The following BMPR1B variants were observed in gnomAD, a reference collection of about 807,000 sequenced individuals.
The protein encoded by BMPR1B is bone morphogenetic protein receptor type 1B.
BMPR1B carries 12 observed loss-of-function variants against 59.1 expected under a neutral mutation model. That is an observed-to-expected ratio of 0.20 (90% CI 0.13 to 0.33). The LOEUF is 0.33. Among genes scored for constraint, BMPR1B ranks in the 10% least tolerant of loss-of-function variants. BMPR1B has a pLI of 1.00. For missense variants in BMPR1B, 550 were observed against 610.9 expected (o/e 0.90, Z 1.05); for synonymous variants, 237 against 207.3 (o/e 1.14, Z -1.23).
chr4:94,908,061 T>TAAAAAAAAAAAAAAAAAAAA (rs571793477), intron 2 of BMPR1B, among the ~76,000 whole-genome samples: 16 of 46,250 alleles, frequency 3.5e-4, no homozygotes, highest in African/African-American at 7.2e-4. Flanking sequence ...ACCCTGTCTT[T>TAAAAAAAAAAAAAAAAAAAA]AAAAAAAAAA....
chr4:94,980,436 G>A (rs1034323487), intron 2 of BMPR1B, among the ~76,000 whole-genome samples: 11 of 151,504 alleles, frequency 7.3e-5, no homozygotes, highest in African/African-American at 2.7e-4. Flanking sequence ...TTTCTTCAGT[G>A]ACATTGATGA....
chr4:94,978,262 T>C lies in BMPR1B; in HGVS notation c.-112-17778T>C, dbSNP rs149995199. Among the ~76,000 whole-genome samples the C allele has an allele frequency of 2.0e-4, 31 of 152,368 alleles. No homozygotes were observed. In the East Asian group the frequency reaches 5.6e-3, roughly 27 times the overall value. ...GTAGATTAAAACAACAAAACAATTT[T>C]ATCACCTTTTAAGGTTTCTGTGGGC... On this transcript the variant is annotated intron_variant, in intron 2 of 12. Coordinates refer to ENST00000515059, the MANE Select transcript of BMPR1B (RefSeq NM_001203.3).
chr4:95,042,005 A>C (rs186168019), intron 3 of BMPR1B, among the ~76,000 whole-genome samples: 2 of 152,142 alleles, frequency 1.3e-5, no homozygotes, highest in South Asian at 4.2e-4. Context: ...CATAGGCGCC[A>C]GCCACCACGC....
intron 1 of BMPR1B, among the ~76,000 whole-genome samples, chr4:94,839,909 T>A (rs1244317242): frequency 6.6e-6 from 1 of 151,856 alleles, no homozygotes; most frequent in Non-Finnish European, 1.5e-5. Context: ...CGGTTGTTCC[T>A]TTCCATGTTT....
chr4:94,758,582 G>C (rs1721623798), intron 1 of BMPR1B, among the ~76,000 whole-genome samples: 1 of 152,124 alleles, frequency 6.6e-6, no homozygotes, highest in African/African-American at 2.4e-5. Context: ...ACCTGCCCCG[G>C]ACGCCTCCCG....
At chr4:94,972,862 A>G (rs1264365902) in intron 2 of BMPR1B, among the ~76,000 whole-genome samples, 1 of 152,188 alleles carries the variant, frequency 6.6e-6, no homozygotes, top group East Asian at 1.9e-4. Context: ...GACACCTTCA[A>G]GGGACTCAGG....
intron 3 of BMPR1B, among the ~76,000 whole-genome samples, chr4:95,070,563 G>A (rs1022817906): frequency 6.6e-6 from 1 of 152,122 alleles, no homozygotes; most frequent in African/African-American, 2.4e-5. Flanking sequence ...AAGATGCTTG[G>A]TAGTCAGTTG....
intron 1 of BMPR1B, among the ~76,000 whole-genome samples, chr4:94,861,625 T>C (rs34867390): frequency 0.15 from 22,677 of 152,076 alleles, 1,938 homozygotes; most frequent in Non-Finnish European, 0.19. Context: ...AACATATACA[T>C]ATATGACCAA....
intron 9 of BMPR1B, 39 bp downstream of exon 9, chr4:95,130,093 A>G (rs1208995595): frequency 4.4e-6 from 7 of 1,598,684 alleles, no homozygotes; most frequent in Non-Finnish European, 6.0e-6. Flanking sequence ...AGGGTTTCCT[A>G]GCTTTCCTCT....
At chr4:94,962,089 TTCCTTCCTTCCTTCC>T (rs1730385120) in intron 2 of BMPR1B, among the ~76,000 whole-genome samples, 1 of 133,104 alleles carries the variant, frequency 7.5e-6, no homozygotes, top group African/African-American at 3.5e-5. Context: ...CCTTCCTTCC[TTCCTTCCTTCCTTCC>T]TTCCTTCCTT....
At chr4:94,781,366 T>C (rs1173740128) in intron 1 of BMPR1B, among the ~76,000 whole-genome samples, 1 of 152,226 alleles carries the variant, frequency 6.6e-6, no homozygotes, top group Non-Finnish European at 1.5e-5. Flanking sequence ...CTTTTGTTTT[T>C]ATGCTTTGGT....
At chr4:95,143,396 C>T (rs898380424) in intron 10 of BMPR1B, among the ~76,000 whole-genome samples, 1 of 152,208 alleles carries the variant, frequency 6.6e-6, no homozygotes, top group African/African-American at 2.4e-5. Flanking sequence ...TCCCTGGCAC[C>T]TTCAGAGGAG....
At chr4:94,985,954 A>G (rs1421912362) in intron 2 of BMPR1B, among the ~76,000 whole-genome samples, 1 of 152,208 alleles carries the variant, frequency 6.6e-6, no homozygotes, top group African/African-American at 2.4e-5. Context: ...TTACCCAAGC[A>G]CCATGGATCC....
intron 3 of BMPR1B, among the ~76,000 whole-genome samples, chr4:95,023,706 T>C (rs941849742): frequency 7.9e-5 from 12 of 152,292 alleles, no homozygotes; most frequent in African/African-American, 2.9e-4. Context: ...TTAAAATGTG[T>C]TTATATGCAT....
At chr4:95,048,690 G>A (rs1189235465) in intron 3 of BMPR1B, among the ~76,000 whole-genome samples, 1 of 151,992 alleles carries the variant, frequency 6.6e-6, no homozygotes, top group South Asian at 2.1e-4. Flanking sequence ...TTCTTGACCT[G>A]GTACAGATAG....
intron 1 of BMPR1B, among the ~76,000 whole-genome samples, chr4:94,782,209 A>G (rs1462888584): frequency 2.6e-5 from 4 of 151,882 alleles, no homozygotes; most frequent in Non-Finnish European, 4.4e-5. Flanking sequence ...TTCAGGTTGT[A>G]CTATCTCCAT....
intron 3 of BMPR1B, among the ~76,000 whole-genome samples, chr4:95,087,419 T>C (rs1167656159): frequency 6.6e-6 from 1 of 152,154 alleles, no homozygotes; most frequent in Admixed American, 6.6e-5. Context: ...TGTTTTCTTC[T>C]TGAAGGGAGT....
intron 1 of BMPR1B, among the ~76,000 whole-genome samples, chr4:94,777,197 G>GA (rs1722404796): frequency 6.6e-6 from 1 of 151,894 alleles, no homozygotes; most frequent in South Asian, 2.1e-4. Flanking sequence ...TCTACCAGCA[G>GA]AGTATCTATT....
rs1732806384 is a variant in BMPR1B at position 95,125,048 on chromosome 4, C to T, written c.512C>T (p.Pro171Leu). The change falls in exon 8 of 13, where the codon CCT becomes CTT. Residue 171 changes from proline to leucine, a missense_variant. By Grantham distance (98) the Pro-to-Leu change is moderately conservative. This residue lies in a region of BMPR1B where 318 missense variants were observed against 284.6 expected (regional missense o/e 1.12). Transcript: ENST00000515059. ...TTAGAACAGGATGAAACTTACATTC[C>T]TCCTGGAGAATCCCTGAGAGACTTA... ...IGLEQDETYI[P>L]PGESLRDLIE... The T allele has an allele frequency of 2.5e-6, 4 of 1,613,392 alleles. No homozygotes were observed. The Admixed American group carries it at 5.0e-5, about 20-fold the overall frequency.
Sources: gnomAD v4.1 joint callset for allele counts (sites outside exome capture counted in the v4.1 genomes callset) on GRCh38, gnomAD v4.1.1 for gene constraint, gnomAD v4.1.1 regional missense constraint, MANE v1.5 for transcripts, NCBI Gene and HGNC (gene_info 2026-07-23, HGNC 2026-07-21) for gene names.